The following GRID1 variants were observed in gnomAD, a reference collection of about 807,000 sequenced individuals.
GRID1 encodes glutamate ionotropic receptor delta type subunit 1.
In GRID1, 28 loss-of-function variants were observed where a neutral mutation model predicts 98.0. The observed-to-expected ratio is 0.29, with a 90% confidence interval of 0.21 to 0.39. The LOEUF is 0.39. Among genes scored for constraint, GRID1 ranks in the 10% least tolerant of loss-of-function variants. The pLI is 1.00. For synonymous variants in GRID1, 553 were observed against 538.5 expected, an observed-to-expected ratio of 1.03 and a Z score of -0.37; for missense variants, 1,111 against 1,340.5, an observed-to-expected ratio of 0.83 and a Z score of 2.67.
intron 2 of GRID1, among the ~76,000 whole-genome samples, chr10:86,273,192 T>C (rs1330370754): frequency 6.6e-6 from 1 of 151,760 alleles, no homozygotes. Context: ...GATAGTTTAC[T>C]GAGAATGATG....
intron 3 of GRID1, among the ~76,000 whole-genome samples, chr10:86,171,900 A>AC (rs1161261119): frequency 6.6e-6 from 1 of 152,074 alleles, no homozygotes; most frequent in Admixed American, 6.6e-5. Context: ...GGAGTTAGAA[A>AC]CCCTACGCGG....
At chr10:85,865,956 G>GATATATAT (rs1843215575) in intron 6 of GRID1, among the ~76,000 whole-genome samples, 2 of 7,126 alleles carry the variant, frequency 2.8e-4, no homozygotes, top group African/African-American at 5.3e-4. Context: ...CATATATATG[G>GATATATAT]AGAGAGAGAG....
intron 8 of GRID1, among the ~76,000 whole-genome samples, chr10:85,792,713 T>C (rs1283871688): frequency 1.3e-5 from 2 of 152,160 alleles, no homozygotes; most frequent in Admixed American, 6.5e-5. Context: ...CAGGAAGCTG[T>C]GTTCTTCCTC....
At chr10:85,686,931 T>C (rs1166217763) in intron 12 of GRID1, among the ~76,000 whole-genome samples, 2 of 152,042 alleles carry the variant, frequency 1.3e-5, no homozygotes, top group African/African-American at 4.8e-5. Context: ...ATGATTATGG[T>C]TACAAAGAAG....
At chr10:85,781,670 G>A (rs558291946) in intron 8 of GRID1, among the ~76,000 whole-genome samples, 1 of 152,208 alleles carries the variant, frequency 6.6e-6, no homozygotes, top group Admixed American at 6.5e-5. Context: ...AGTAAAATCT[G>A]TATTTAAAGA....
Position 85,729,493 on chromosome 10 carries a change from G to T in GRID1, c.1335+20C>A. ...GCCTGGATGGTGTAGCTCGCTCCCA[G>T]AATGTCCCCATGATCCTACCAAGAC... On this transcript the variant is annotated intron_variant, in intron 9 of 15. Coordinates refer to ENST00000327946, the MANE Select transcript of GRID1 (RefSeq NM_017551.3). 6.9e-7 allele frequency: 1 copy of T among 1,456,226 alleles called. No homozygotes were observed. The highest frequency in any genetic ancestry group is 1.2e-5 in the South Asian group (1 of 86,946). The allele number at this position is 1,456,226 out of a possible 1,614,324, so 90.2% of individuals were successfully genotyped here.
intron 12 of GRID1, among the ~76,000 whole-genome samples, chr10:85,698,602 A>G (rs1331302514): frequency 6.6e-6 from 1 of 152,220 alleles, no homozygotes; most frequent in Non-Finnish European, 1.5e-5. Context: ...AGTTTTGAAA[A>G]TTATAAATAA....
intron 8 of GRID1, among the ~76,000 whole-genome samples, chr10:85,786,929 G>C (rs1842434867): frequency 1.3e-5 from 2 of 152,190 alleles, no homozygotes; most frequent in African/African-American, 4.8e-5. Flanking sequence ...AAGAAATGGG[G>C]CCTCTCTCCA....
intron 13 of GRID1, among the ~76,000 whole-genome samples, chr10:85,642,924 G>T: frequency 6.6e-6 from 1 of 152,128 alleles, no homozygotes; most frequent in East Asian, 1.9e-4. Flanking sequence ...CCCTCCAGAG[G>T]CTCAATGATG....
intron 12 of GRID1, among the ~76,000 whole-genome samples, chr10:85,654,157 GA>G (rs1840866391): frequency 6.6e-6 from 1 of 152,112 alleles, no homozygotes; most frequent in Non-Finnish European, 1.5e-5. Context: ...ACCTATGCCT[GA>G]AAGCCAGCCT....
intron 2 of GRID1, among the ~76,000 whole-genome samples, chr10:86,220,732 C>A (rs929362754): frequency 7.9e-5 from 12 of 152,172 alleles, no homozygotes; most frequent in African/African-American, 2.9e-4. Flanking sequence ...TCTCATTCAC[C>A]CCAAGTTTTG....
At chr10:85,871,117 T>A (rs1300694921) in intron 5 of GRID1, among the ~76,000 whole-genome samples, 1 of 152,048 alleles carries the variant, frequency 6.6e-6, no homozygotes, top group Non-Finnish European at 1.5e-5. Flanking sequence ...GACAAACCCA[T>A]CATACGTTGA....
At position 85,826,545 on chromosome 10, in the gene GRID1, G is replaced by A. The variant is rs114865679; in HGVS notation, c.1233+27951C>T. Among the ~76,000 whole-genome samples the A allele has an allele frequency of 2.2e-3, 330 of 152,034 alleles. 3 individuals carry two copies. Among genetic ancestry groups the A allele is most frequent in the African/African-American group, 7.5e-3 (309 of 41,470 alleles). ...GTTGTTGCGGGCGTAAGCATGTGCC[G>A]GAATGCTGTTACTCCATTTGTGCCA... On this transcript the variant is annotated intron_variant, in intron 8 of 15. Coordinates refer to ENST00000327946, the MANE Select transcript of GRID1 (RefSeq NM_017551.3).
intron 4 of GRID1, among the ~76,000 whole-genome samples, chr10:86,039,063 G>A (rs1843310614): frequency 1.3e-5 from 2 of 151,948 alleles, no homozygotes; most frequent in Admixed American, 6.6e-5. Context: ...TTTCCTTTAG[G>A]TCTTGAACAT....
chr10:85,628,456 A>G (rs1842936592), intron 13 of GRID1, among the ~76,000 whole-genome samples: 1 of 152,156 alleles, frequency 6.6e-6, no homozygotes, highest in African/African-American at 2.4e-5. Flanking sequence ...CCAGGGAGGC[A>G]GCAGAGAAGA....
At chr10:86,162,310 G>A (rs371999774) in intron 3 of GRID1, among the ~76,000 whole-genome samples, 1 of 151,898 alleles carries the variant, frequency 6.6e-6, no homozygotes, top group Non-Finnish European at 1.5e-5. Flanking sequence ...CAAAATCATG[G>A]GGCCATCATT....
chr10:86,245,490 ATTTG>A, intron 2 of GRID1, among the ~76,000 whole-genome samples: 2 of 13,948 alleles, frequency 1.4e-4, no homozygotes, highest in Non-Finnish European at 6.3e-4. Flanking sequence ...CTCCTCTACC[ATTTG>A]CTTTACTCCA....
chr10:85,951,937 T>C (rs1337530565), intron 4 of GRID1, among the ~76,000 whole-genome samples: 2 of 152,228 alleles, frequency 1.3e-5, no homozygotes, highest in African/African-American at 4.8e-5. Context: ...AGTAGGTCCA[T>C]ACCATCCTCC....
intron 4 of GRID1, among the ~76,000 whole-genome samples, chr10:86,008,573 A>C (rs1234724581): frequency 6.6e-6 from 1 of 152,192 alleles, no homozygotes; most frequent in Non-Finnish European, 1.5e-5. Flanking sequence ...TCTTCTACCC[A>C]ACAGAAAAAT....
Sources: allele counts gnomAD v4.1 joint callset (sites outside exome capture counted in the v4.1 genomes callset), GRCh38; gene constraint gnomAD v4.1.1; transcripts MANE v1.5; gene names NCBI Gene and HGNC (gene_info 2026-07-23, HGNC 2026-07-21).